CADM2: variants seen among roughly 807,000 people sequenced by gnomAD.
CADM2 encodes the protein cell adhesion molecule 2.
Under a neutral mutation model 49.8 loss-of-function variants are expected in CADM2, and 12 were observed. The ratio of observed to expected loss-of-function variants is 0.24; its 90% confidence interval spans 0.15 to 0.39. CADM2 has a LOEUF of 0.39. CADM2 is among the 10% of genes least tolerant of loss of function. The probability of loss-of-function intolerance (pLI) is 1.00; values close to 1 mark genes in which losing one functional copy is unlikely to be tolerated. For missense variants in CADM2, 378 were observed against 492.3 expected (o/e 0.77, Z 2.20); for synonymous variants, 214 against 175.4 (o/e 1.22, Z -1.74).
chr3:85,793,925 G>T (rs947868145), intron 2 of CADM2, among the ~76,000 whole-genome samples: 1 of 152,076 alleles, frequency 6.6e-6, no homozygotes, highest in Non-Finnish European at 1.5e-5. Context: ...TCACAGAACT[G>T]CATCTACCTA....
At chr3:85,120,245 C>T (rs181434026) in intron 1 of CADM2, among the ~76,000 whole-genome samples, 80 of 152,236 alleles carry the variant, frequency 5.3e-4, no homozygotes, top group African/African-American at 1.9e-3. Context: ...GTAGTGTAAA[C>T]TAGTTCAACC....
At chr3:85,858,129 T>C (rs946453650) in intron 3 of CADM2, among the ~76,000 whole-genome samples, 4 of 152,218 alleles carry the variant, frequency 2.6e-5, no homozygotes, top group African/African-American at 9.6e-5. Context: ...ACACAATATC[T>C]CTGCCTTTAG....
chr3:85,879,786 C>T (rs746866726), intron 3 of CADM2, among the ~76,000 whole-genome samples: 2 of 152,016 alleles, frequency 1.3e-5, no homozygotes, highest in Admixed American at 6.6e-5. Flanking sequence ...AAATTGACAC[C>T]GATACAGTTT....
intron 1 of CADM2, among the ~76,000 whole-genome samples, chr3:85,497,934 A>G (rs1321512777): frequency 6.6e-6 from 1 of 151,850 alleles, no homozygotes; most frequent in Non-Finnish European, 1.5e-5. Context: ...TACACAGTCC[A>G]TCCTCATTAT....
intron 1 of CADM2, among the ~76,000 whole-genome samples, chr3:85,487,414 C>T (rs2039464482): frequency 6.6e-6 from 1 of 151,940 alleles, no homozygotes; most frequent in Non-Finnish European, 1.5e-5. Flanking sequence ...GCCTGTAGTC[C>T]CAGCTACTTG....
At chr3:85,969,026 C>T (rs1725799314) in intron 8 of CADM2, among the ~76,000 whole-genome samples, 1 of 151,510 alleles carries the variant, frequency 6.6e-6, no homozygotes, top group African/African-American at 2.4e-5. Flanking sequence ...ACGTTGCTTC[C>T]AAATCACATT....
intron 1 of CADM2, among the ~76,000 whole-genome samples, chr3:85,510,908 G>A (rs1426029416): frequency 6.6e-6 from 1 of 151,452 alleles, no homozygotes. Context: ...ATGTAATGAG[G>A]GTTCATAAGC....
At chr3:85,447,014 A>T in intron 1 of CADM2, among the ~76,000 whole-genome samples, 1 of 138,956 alleles carries the variant, frequency 7.2e-6, no homozygotes, top group Non-Finnish European at 1.5e-5. Context: ...ATATATATAT[A>T]TATATATATA....
chr3:85,757,264 C>T (rs1021183305), intron 2 of CADM2, among the ~76,000 whole-genome samples: 12 of 152,182 alleles, frequency 7.9e-5, no homozygotes, highest in South Asian at 2.1e-4. Context: ...GGCTTGAAGA[C>T]GCGTATTTGT....
chr3:85,099,345 G>A (rs1022831647), intron 1 of CADM2, among the ~76,000 whole-genome samples: 2 of 152,052 alleles, frequency 1.3e-5, no homozygotes, highest in Admixed American at 6.6e-5. Context: ...GGGTTTGATC[G>A]CCTACATCTG....
At chr3:85,010,903 T>A (rs573091704) in intron 1 of CADM2, among the ~76,000 whole-genome samples, 43 of 131,638 alleles carry the variant, frequency 3.3e-4, no homozygotes, top group Middle Eastern at 3.9e-3. Context: ...TTGCTCTGTC[T>A]CCCAGGCTGG....
chr3:85,726,269 A>G (rs2067692480), intron 1 of CADM2, among the ~76,000 whole-genome samples: 1 of 152,042 alleles, frequency 6.6e-6, no homozygotes, highest in East Asian at 1.9e-4. Context: ...TTAAAGGAAT[A>G]TGGTGACTTG....
In CADM2 at chr3:86,029,025, T is replaced by C. The variant is rs980313049; in HGVS notation, c.971-36580T>C. Among the ~76,000 whole-genome samples, 7 of 152,030 alleles carry C rather than the reference T, an allele frequency of 4.6e-5. No individual in the cohort carries two copies. In the South Asian group the frequency reaches 1.0e-3, roughly 23 times the overall value. Reference sequence around the variant, plus strand: ...ATTGTAAGTGCCATGGTGAAAAGCGTGAGAAAAGAGCCATAAAGTGAAATC... The same window carrying C: ...ATTGTAAGTGCCATGGTGAAAAGCGCGAGAAAAGAGCCATAAAGTGAAATC... On this transcript the variant is annotated intron_variant, in intron 8 of 9. Transcript: ENST00000383699.
chr3:85,944,712 T>C (rs1722415568), intron 7 of CADM2, among the ~76,000 whole-genome samples: 1 of 152,018 alleles, frequency 6.6e-6, no homozygotes, highest in Admixed American at 6.6e-5. Flanking sequence ...GAAATAAAGA[T>C]GTTCTTTGAA....
intron 1 of CADM2, among the ~76,000 whole-genome samples, chr3:85,181,799 T>G (rs565977600): frequency 3.3e-5 from 5 of 150,838 alleles, no homozygotes; most frequent in African/African-American, 4.8e-5. Context: ...TATATATCTC[T>G]CTCTATATAT....
chr3:86,048,276 A>T (rs915499150), intron 8 of CADM2, among the ~76,000 whole-genome samples: 5 of 152,060 alleles, frequency 3.3e-5, no homozygotes, highest in African/African-American at 1.2e-4. Context: ...ATATATGTAC[A>T]GCCTTTTGAA....
At chr3:85,526,408 G>A (rs779595299) in intron 1 of CADM2, among the ~76,000 whole-genome samples, 5 of 152,116 alleles carry the variant, frequency 3.3e-5, no homozygotes, top group Admixed American at 1.3e-4. Context: ...ACACAGTTAT[G>A]TAGCTTCTCA....
Position 85,634,847 on chromosome 3 carries a change from C to G in CADM2, c.62-91675C>G, listed in dbSNP as rs181746067. Among the ~76,000 whole-genome samples, 278 of 151,836 alleles carry G rather than the reference C, an allele frequency of 1.8e-3. 1 individual carries two copies. The highest frequency in any genetic ancestry group is 7.3e-3 in the South Asian group (35 of 4,816). ...CATAGCAAACTTTAAAATTCCATAG[C>G]TACTTTGTATTTATACATTCAATTT... On this transcript the variant is annotated intron_variant, in intron 1 of 9. Transcript: ENST00000383699.
intron 1 of CADM2, among the ~76,000 whole-genome samples, chr3:85,652,106 T>C (rs1448471667): frequency 6.6e-6 from 1 of 151,512 alleles, no homozygotes; most frequent in African/African-American, 2.4e-5. Flanking sequence ...CGTGAGCCAC[T>C]GCACCTGGCC....
Sources: allele counts gnomAD v4.1 joint callset (sites outside exome capture counted in the v4.1 genomes callset), GRCh38; gene constraint gnomAD v4.1.1; transcripts MANE v1.5; gene names NCBI Gene and HGNC (gene_info 2026-07-23, HGNC 2026-07-21).